GBP7: variants seen among roughly 807,000 people sequenced by gnomAD.
The protein encoded by GBP7 is guanylate-binding protein 7.
In GBP7, 43 loss-of-function variants were observed where a neutral mutation model predicts 61.3. The ratio of observed to expected loss-of-function variants is 0.70; its 90% CI spans 0.55 to 0.91. The LOEUF (loss-of-function observed/expected upper bound fraction) is 0.91, where lower values mean the gene tolerates loss of function less well. Among genes scored for constraint, GBP7 ranks in the 40% least tolerant of loss-of-function variants. The pLI, the probability that GBP7 is intolerant of heterozygous loss-of-function variation, is 0.00. For missense variants in GBP7, 717 were observed against 740.5 expected (o/e 0.97, Z 0.37); for synonymous variants, 267 against 271.0 (o/e 0.99, Z 0.14).
At chr1:89,133,016 C>A (rs562575015) in intron 10 of GBP7, among the ~76,000 whole-genome samples, 3 of 152,312 alleles carry the variant, frequency 2.0e-5, no homozygotes, top group Admixed American at 6.5e-5. Context: ...ATAATCACCA[C>A]AAACAGCAGC....
intron 2 of GBP7, 79 bp downstream of exon 2, chr1:89,171,667 C>G (rs1027826999): frequency 1.5e-6 from 2 of 1,295,302 alleles, no homozygotes; most frequent in Non-Finnish European, 2.2e-6. Flanking sequence ...CTAACTTTCT[C>G]TCATCCCATC....
intron 9 of GBP7, among the ~76,000 whole-genome samples, chr1:89,141,074 T>G (rs1011371667): frequency 6.6e-6 from 1 of 151,928 alleles, no homozygotes; most frequent in East Asian, 1.9e-4. Flanking sequence ...GGGTAAAGAT[T>G]GAAAAACTAC....
intron 8 of GBP7, among the ~76,000 whole-genome samples, chr1:89,142,283 A>G (rs996471943): frequency 6.6e-6 from 1 of 152,200 alleles, no homozygotes; most frequent in Non-Finnish European, 1.5e-5. Context: ...CTTTTGAGAC[A>G]GTCTCACTCT....
At chr1:89,170,052 A>G (rs1246791149) in intron 2 of GBP7, among the ~76,000 whole-genome samples, 1 of 152,214 alleles carries the variant, frequency 6.6e-6, no homozygotes, top group Admixed American at 6.5e-5. Context: ...AATATTCCTA[A>G]CACAACTTTT....
chr1:89,137,953 A>C (rs1174868569), intron 9 of GBP7, among the ~76,000 whole-genome samples: 1 of 152,176 alleles, frequency 6.6e-6, no homozygotes, highest in African/African-American at 2.4e-5. Flanking sequence ...GCAAAGTTTC[A>C]GGATAAAAAA....
At chr1:89,174,589 C>G (rs556136362) in intron 1 of GBP7, among the ~76,000 whole-genome samples, 2 of 152,118 alleles carry the variant, frequency 1.3e-5, no homozygotes, top group African/African-American at 4.8e-5. Flanking sequence ...AACATAGATA[C>G]CATTCTAACC....
chr1:89,147,926 C>A, intron 7 of GBP7, 147 bp from the exon 8 acceptor site: 1 of 758,392 alleles, frequency 1.3e-6, no homozygotes. Flanking sequence ...TGTTTTAGTT[C>A]CAGTTCTGGT....
At chr1:89,140,855 A>G (rs1437394563) in intron 9 of GBP7, among the ~76,000 whole-genome samples, 1 of 152,206 alleles carries the variant, frequency 6.6e-6, no homozygotes, top group Non-Finnish European at 1.5e-5. Flanking sequence ...ATGCCTTAGA[A>G]TACTACACAG....
chr1:89,142,481 T>G (rs1681977232), intron 8 of GBP7, among the ~76,000 whole-genome samples: 1 of 152,186 alleles, frequency 6.6e-6, no homozygotes, highest in Non-Finnish European at 1.5e-5. Flanking sequence ...AATCTCCTGG[T>G]CTTAAGCAAT....
At chr1:89,161,289 A>C (rs1490611100) in intron 3 of GBP7, among the ~76,000 whole-genome samples, 1 of 152,242 alleles carries the variant, frequency 6.6e-6, no homozygotes, top group Non-Finnish European at 1.5e-5. Context: ...GTACATACCC[A>C]GTAATGGCAT....
intron 3 of GBP7, among the ~76,000 whole-genome samples, chr1:89,160,551 G>A (rs1180292423): frequency 6.6e-6 from 1 of 152,016 alleles, no homozygotes; most frequent in South Asian, 2.1e-4. Flanking sequence ...TGTCGAGTAG[G>A]GATAATAATA....
chr1:89,146,057 A>G (rs1682055478), intron 8 of GBP7, among the ~76,000 whole-genome samples: 1 of 152,230 alleles, frequency 6.6e-6, no homozygotes, highest in Non-Finnish European at 1.5e-5. Context: ...TCTGACTTCA[A>G]AATCTACTAC....
intron 2 of GBP7, among the ~76,000 whole-genome samples, chr1:89,166,266 C>T (rs1167880645): frequency 1.3e-5 from 2 of 152,150 alleles, no homozygotes; most frequent in African/African-American, 2.4e-5. Context: ...TTTCCTTATG[C>T]AGGTCCCACG....
At chr1:89,151,740 T>C (rs1682204832) in intron 5 of GBP7, among the ~76,000 whole-genome samples, 1 of 151,842 alleles carries the variant, frequency 6.6e-6, no homozygotes, top group Non-Finnish European at 1.5e-5. Context: ...CATATGTCTG[T>C]GTATTTTTTT....
At chr1:89,161,056 T>C (rs1647254270) in intron 3 of GBP7, among the ~76,000 whole-genome samples, 1 of 152,132 alleles carries the variant, frequency 6.6e-6, no homozygotes, top group East Asian at 1.9e-4. Flanking sequence ...TGTTCCTGCA[T>C]CCATTTGCTA....
intron 4 of GBP7, 74 bp downstream of exon 4, chr1:89,152,594 C>G: frequency 6.6e-7 from 1 of 1,521,448 alleles, no homozygotes; most frequent in Non-Finnish European, 9.0e-7. Context: ...TGAGTCACAA[C>G]AAAGAAGACA....
chr1:89,145,422 T>C (rs1413811579), intron 8 of GBP7, among the ~76,000 whole-genome samples: 1 of 152,180 alleles, frequency 6.6e-6, no homozygotes, highest in African/African-American at 2.4e-5. Flanking sequence ...TATATATCTA[T>C]ATTTACATAT....
At chr1:89,150,628 G>A in intron 5 of GBP7, 53 bp from the exon 6 acceptor site, 1 of 1,577,500 alleles carries the variant, frequency 6.3e-7, no homozygotes, top group Non-Finnish European at 8.6e-7. Context: ...AAGTGAGCCT[G>A]AAGATTTTCA....
intron 8 of GBP7, among the ~76,000 whole-genome samples, chr1:89,142,704 T>G (rs2100640987): frequency 1.3e-5 from 2 of 152,274 alleles, no homozygotes; most frequent in South Asian, 4.1e-4. Context: ...AAGTGATTAG[T>G]GACTGAAATT....
Sources: gnomAD v4.1 joint callset for allele counts (sites outside exome capture counted in the v4.1 genomes callset) on GRCh38, gnomAD v4.1.1 for gene constraint, MANE v1.5 for transcripts, NCBI Gene and HGNC (gene_info 2026-07-23, HGNC 2026-07-21) for gene names.